TDRP: variants seen among roughly 807,000 people sequenced by gnomAD.
TDRP encodes the protein testis development related protein, also known as testis development-related protein.
A neutral mutation model predicts 10.5 loss-of-function variants in TDRP; 12 were observed. That is an observed-to-expected ratio of 1.15 (90% CI 0.73 to 1.86). The LOEUF (loss-of-function observed/expected upper bound fraction) is 1.86. Among genes scored for constraint, TDRP ranks in the 40% most tolerant of loss-of-function variants. The pLI is 0.00. For synonymous variants in TDRP, 139 were observed against 95.4 expected, an observed-to-expected ratio of 1.46 and a Z score of -2.67; for missense variants, 353 against 229.2, an observed-to-expected ratio of 1.54 and a Z score of -3.49.
At chr8:540,930 A>C (rs1164610456) in intron 1 of TDRP, among the ~76,000 whole-genome samples, 1 of 152,208 alleles carries the variant, frequency 6.6e-6, no homozygotes, top group Non-Finnish European at 1.5e-5. Flanking sequence ...TGCACGTTTA[A>C]CATCACACTG....
At chr8:496,330 T>A (rs1801135372) in intron 1 of TDRP, among the ~76,000 whole-genome samples, 2 of 152,156 alleles carry the variant, frequency 1.3e-5, no homozygotes, top group South Asian at 4.1e-4. Flanking sequence ...GAAGTCTCAA[T>A]TAAGAACATA....
At chr8:511,212 T>C (rs1030929305) in intron 1 of TDRP, among the ~76,000 whole-genome samples, 2 of 151,982 alleles carry the variant, frequency 1.3e-5, no homozygotes, top group Admixed American at 1.3e-4. Context: ...TAAAATACAA[T>C]CCAACTAAAT....
chr8:500,001 G>C (rs1344553055), intron 1 of TDRP, among the ~76,000 whole-genome samples: 1 of 152,154 alleles, frequency 6.6e-6, no homozygotes, highest in Admixed American at 6.5e-5. Flanking sequence ...AACACCTCTT[G>C]AGGACCAAGA....
intron 1 of TDRP, among the ~76,000 whole-genome samples, chr8:522,401 G>C (rs939238932): frequency 1.3e-5 from 2 of 152,122 alleles, no homozygotes; most frequent in African/African-American, 4.8e-5. Context: ...TTAACTGCCT[G>C]TTTTTCTCTC....
At chr8:511,151 G>A (rs1030772348) in intron 1 of TDRP, among the ~76,000 whole-genome samples, 2 of 152,114 alleles carry the variant, frequency 1.3e-5, no homozygotes, top group Admixed American at 6.6e-5. Context: ...AATATTAAAT[G>A]TAAATGGATT....
intron 1 of TDRP, among the ~76,000 whole-genome samples, chr8:524,100 A>G (rs1354819089): frequency 2.0e-5 from 3 of 152,356 alleles, no homozygotes; most frequent in South Asian, 4.1e-4. Flanking sequence ...AGTTCAGCAC[A>G]GACAGACTCC....
At chr8:504,097 C>G (rs1032161396) in intron 1 of TDRP, among the ~76,000 whole-genome samples, 1 of 152,196 alleles carries the variant, frequency 6.6e-6, no homozygotes, top group Non-Finnish European at 1.5e-5. Flanking sequence ...AATCCAGAGC[C>G]ACGTGTCGGA....
chr8:539,833 T>C (rs1802446065), intron 1 of TDRP, among the ~76,000 whole-genome samples: 1 of 152,208 alleles, frequency 6.6e-6, no homozygotes, highest in Admixed American at 6.5e-5. Context: ...AGTGTGACTT[T>C]GTGTCATCTA....
intron 1 of TDRP, among the ~76,000 whole-genome samples, chr8:517,807 T>G (rs554838837): frequency 2.0e-5 from 3 of 152,358 alleles, no homozygotes; most frequent in African/African-American, 7.2e-5. Context: ...TTACAGAGTT[T>G]GGATTTTTCT....
chr8:513,729 T>C (rs1801678306), intron 1 of TDRP, among the ~76,000 whole-genome samples: 1 of 152,228 alleles, frequency 6.6e-6, no homozygotes, highest in Admixed American at 6.5e-5. Flanking sequence ...GATAACATGA[T>C]CTTTTGCATA....
chr8:541,967 T>C (rs1205429523), intron 1 of TDRP, among the ~76,000 whole-genome samples: 7 of 152,178 alleles, frequency 4.6e-5, no homozygotes, highest in African/African-American at 1.2e-4. Context: ...AGCTGGTCTA[T>C]GAATAAACTG....
chr8:522,115 G>C (rs1164715924), intron 1 of TDRP, among the ~76,000 whole-genome samples: 1 of 151,992 alleles, frequency 6.6e-6, no homozygotes, highest in Non-Finnish European at 1.5e-5. Flanking sequence ...TTGTGTGTTT[G>C]GGATCTTTAG....
In TDRP at chr8:542,548, C is replaced by G. The variant is rs186483420; in HGVS notation, c.108+2102G>C. On this transcript the variant is annotated intron_variant, in intron 1 of 2. Transcript: ENST00000324079. ...AGAGTCTATTAAAGTTTTTTCCCCC[C>G]AAAACCAACACACACTTTAGATGTA... Among the ~76,000 whole-genome samples, 273 of 152,098 alleles carry G rather than the reference C, an allele frequency of 1.8e-3. 1 individual carries two copies. Among genetic ancestry groups the G allele is most frequent in the African/African-American group, 6.3e-3 (261 of 41,498 alleles).
chr8:531,103 G>T (rs954883894), intron 1 of TDRP, among the ~76,000 whole-genome samples: 2 of 152,168 alleles, frequency 1.3e-5, no homozygotes, highest in East Asian at 3.9e-4. Context: ...ACCCAGCAGA[G>T]AGTTGGGTGT....
chr8:522,992 G>C (rs1801945977), intron 1 of TDRP, among the ~76,000 whole-genome samples: 1 of 152,216 alleles, frequency 6.6e-6, no homozygotes, highest in African/African-American at 2.4e-5. Context: ...AGTTTTGGTT[G>C]GGGAGTTTAA....
At chr8:537,327 C>T (rs1010731620) in intron 1 of TDRP, among the ~76,000 whole-genome samples, 2 of 152,220 alleles carry the variant, frequency 1.3e-5, no homozygotes, top group Admixed American at 6.5e-5. Context: ...TGTCCCAGGA[C>T]CCTCCTGCCT....
Position 492,269 on chromosome 8 carries a change from A to AG in TDRP, c.*129dup. 7 of 1,335,868 alleles carry AG rather than the reference A, an allele frequency of 5.2e-6. No homozygotes were observed. The highest frequency in any genetic ancestry group is 6.7e-6 in the Non-Finnish European group (7 of 1,045,136). 82.8% of individuals were successfully genotyped at this position (1,335,868 alleles called of 1,614,324 possible). On this transcript the variant is annotated 3_prime_UTR_variant, in exon 3 of 3. Transcript: ENST00000324079. ...GTGAGAGTTCATTAAATAAAGAAAC[A>AG]GAGGTCCAAATATCAAATATAGGCA...
intron 1 of TDRP, 77 bp from the exon 2 acceptor site, chr8:494,674 G>T: frequency 7.6e-7 from 1 of 1,324,430 alleles, no homozygotes; most frequent in Non-Finnish European, 1.1e-6. Context: ...CAATAACCAT[G>T]GAGTTGAAAT....
In TDRP at chr8:491,760, A is replaced by G. The variant is rs1800983246; in HGVS notation, c.*639T>C. On this transcript the variant is annotated 3_prime_UTR_variant, in exon 3 of 3. Transcript: ENST00000324079. ...AGGTAAAAATAAAATTCCAAAAAAG[A>G]ACCACTGTTACTATCCAGTGGACAT... is the stretch of plus-strand genomic sequence containing the variant. The G allele has an allele frequency of 7.2e-7, 1 of 1,397,324 alleles. No individual in the cohort carries two copies. The highest frequency in any genetic ancestry group is 1.5e-5 in the African/African-American group (1 of 68,250). 86.6% of individuals were successfully genotyped at this position (1,397,324 alleles called of 1,614,324 possible). A position where few individuals can be genotyped will look rare whatever the true frequency, so the allele number is the denominator to read the frequency against.
Sources: gnomAD v4.1 joint callset for allele counts (sites outside exome capture counted in the v4.1 genomes callset) on GRCh38, gnomAD v4.1.1 for gene constraint, MANE v1.5 for transcripts, NCBI Gene and HGNC (gene_info 2026-07-23, HGNC 2026-07-21) for gene names.